Variants in STK26 observed in about 807,000 individuals in gnomAD.
STK26 encodes the protein serine/threonine-protein kinase 26.
Under a neutral mutation model 34.7 loss-of-function variants are expected in STK26, and 14 were observed. The observed-to-expected ratio is 0.40, with a 90% CI of 0.27 to 0.63. STK26 has a LOEUF of 0.63. STK26 is among the 30% of genes least tolerant of loss of function. STK26 has a pLI of 0.38. For synonymous variants in STK26, 100 were observed against 109.8 expected (o/e 0.91, Z 0.56); for missense variants, 226 against 309.1 (o/e 0.73, Z 2.02).
intron 2 of STK26, among the ~76,000 whole-genome samples, chrX:132,035,832 T>TACACACACACACACCC (rs1926024119): frequency 1.3e-5 from 1 of 78,240 alleles, no homozygotes; most frequent in Non-Finnish European, 2.4e-5. Flanking sequence ...TCTGGCTGCA[T>TACACACACACACACCC]ACACACACAC....
At chrX:132,057,820 T>A (rs182643024) in intron 3 of STK26, among the ~76,000 whole-genome samples, 28 of 111,822 alleles carry the variant, frequency 2.5e-4, no homozygotes, top group African/African-American at 8.5e-4. Context: ...GCTGAAGATA[T>A]AAAAGTGAAC....
At chrX:132,062,997 A>C (rs1157222261) in intron 3 of STK26, among the ~76,000 whole-genome samples, 1 of 111,060 alleles carries the variant, frequency 9.0e-6, no homozygotes, top group Non-Finnish European at 1.9e-5. Context: ...AGAAGGTGTA[A>C]ATATTTATGG....
intron 2 of STK26, among the ~76,000 whole-genome samples, chrX:132,044,807 CTA>C (rs1389608918): frequency 2.1e-5 from 1 of 46,542 alleles, no homozygotes; most frequent in East Asian, 5.8e-4. Flanking sequence ...AGAGAGAGAT[CTA>C]TATATATATT....
chrX:132,025,605 G>A (rs184374259), intron 2 of STK26, among the ~76,000 whole-genome samples: 1 of 107,850 alleles, frequency 9.3e-6, no homozygotes, highest in Non-Finnish European at 1.9e-5. Flanking sequence ...CACCTAATTT[G>A]AGTAGGGCAA....
rs765107703 is a variant in STK26 at position 132,050,241 on chromosome X, A to T, written c.43-4390A>T. 4.5e-5 allele frequency among the ~76,000 whole-genome samples: 5 copies of T among 111,584 alleles called. No individual in the cohort carries two copies. In the East Asian group the frequency reaches 1.4e-3, roughly 31 times the overall value. ...AACTAGATCTAAAATTTTATCCTTC[A>T]TCAATGTTGGCTGTTATCCTCAAAA... On this transcript the variant is annotated intron_variant, in intron 2 of 11. Transcript: ENST00000394334.
chrX:132,072,973 A>G lies in STK26; in HGVS notation c.1106A>G (p.Glu369Gly). 8.3e-7 allele frequency: 1 copy of G among 1,210,378 alleles called. No homozygotes were observed. Among genetic ancestry groups the G allele is most frequent in the Non-Finnish European group, 1.1e-6 (1 of 894,831 alleles). The change falls in exon 11 of 12, where the codon GAG becomes GGG. Residue 369 changes from glutamate (E) to glycine (G), a missense_variant. By Grantham distance (98) the Glu-to-Gly change is moderately conservative. This residue lies in a region of STK26 where 126 missense variants were observed against 132.4 expected (regional missense o/e 0.95). Coordinates refer to ENST00000394334, the MANE Select transcript of STK26 (RefSeq NM_016542.4). The part of the protein sequence containing the change: ...PAFAELKQQD[E>G]NNASRNQAIE... ...CTTTCTCAGCTTAAACAGCAGGACG[A>G]GAATAACGCTAGCAGGAATCAGGCG...
At chrX:132,047,680 T>C (rs1282456457) in intron 2 of STK26, among the ~76,000 whole-genome samples, 1 of 111,814 alleles carries the variant, frequency 8.9e-6, no homozygotes, top group African/African-American at 3.3e-5. Flanking sequence ...TGCCAGAAAG[T>C]CAAGATTACT....
Position 132,054,701 on chromosome X carries a change from T to C in STK26, c.113T>C (p.Val38Ala). The C allele has an allele frequency of 8.3e-7, 1 of 1,211,401 alleles. No individual in the cohort carries two copies. Among genetic ancestry groups the C allele is most frequent in the Non-Finnish European group, 1.1e-6 (1 of 895,350 alleles). The stretch of plus-strand genomic sequence containing the variant: ...ATTGGGAAAGGCTCATTTGGGGAAG[T>C]TTTCAAAGGAATTGATAACCGTACC... ...ERIGKGSFGEVFKGIDNRTQQ... is the reference protein window; with the variant it reads ...ERIGKGSFGEAFKGIDNRTQQ... The change falls in exon 3 of 12, where the codon GTT (valine) becomes GCT (alanine). Residue 38 changes from valine to alanine, a missense_variant. By Grantham distance (64) the Val-to-Ala change is moderately conservative. Transcript: ENST00000394334.
chrX:132,038,060 C>T (rs745552721), intron 2 of STK26, among the ~76,000 whole-genome samples: 1 of 109,880 alleles, frequency 9.1e-6, no homozygotes, highest in African/African-American at 3.3e-5. Flanking sequence ...TTGGAGGCTG[C>T]GATGTAAACC....
At chrX:132,040,367 G>T (rs1926219088) in intron 2 of STK26, among the ~76,000 whole-genome samples, 1 of 112,326 alleles carries the variant, frequency 8.9e-6, no homozygotes, top group East Asian at 2.8e-4. Context: ...TTGCCTATTG[G>T]TTCCATTATT....
In STK26 at chrX:132,069,586, C is replaced by A; in HGVS notation, c.706C>A (p.Pro236Thr). The change falls in exon 7 of 12, where the codon CCT becomes ACT. Residue 236 changes from proline (P) to threonine (T), a missense_variant. Coordinates refer to ENST00000394334, the MANE Select transcript of STK26 (RefSeq NM_016542.4). The stretch of plus-strand genomic sequence containing the variant: ...TCTGTTTCTTATTCCCAAAAACAAT[C>A]CTCCAACTCTTGTTGGAGACTTTAC... ...RVLFLIPKNN[P>T]PTLVGDFTKS... is the part of the protein sequence containing the mutation. 8.5e-7 allele frequency: 1 copy of A among 1,172,448 alleles called. No individual in the cohort carries two copies. Among genetic ancestry groups the A allele is most frequent in the Admixed American group, 2.4e-5 (1 of 41,689 alleles).
Position 132,034,939 on chromosome X carries a change from G to A in STK26, c.42+11280G>A, listed in dbSNP as rs190911241. Among the ~76,000 whole-genome samples the A allele has an allele frequency of 3.6e-5, 4 of 111,017 alleles. No individual in the cohort carries two copies. In the East Asian group the frequency reaches 1.1e-3, roughly 31 times the overall value. On this transcript the variant is annotated intron_variant, in intron 2 of 11. Transcript: ENST00000394334. ...GAGTTCTCAGCTGCTCCGCCAATTT[G>A]GGGAGCACTTTGAGCACCACTCAAG...
chrX:132,047,781 A>G (rs1926549531), intron 2 of STK26, among the ~76,000 whole-genome samples: 1 of 112,234 alleles, frequency 8.9e-6, no homozygotes, highest in Middle Eastern at 4.2e-3. Flanking sequence ...TGGTTCAACA[A>G]TTATTAAAAA....
intron 2 of STK26, among the ~76,000 whole-genome samples, chrX:132,030,833 C>G (rs751428657): frequency 8.9e-6 from 1 of 111,748 alleles, no homozygotes; most frequent in Non-Finnish European, 1.9e-5. Flanking sequence ...GAATGTAACT[C>G]ATTTTAAAAA....
At chrX:132,025,647 CTTTTT>C (rs57313614) in intron 2 of STK26, among the ~76,000 whole-genome samples, 1 of 81,711 alleles carries the variant, frequency 1.2e-5, no homozygotes, top group African/African-American at 4.5e-5. Context: ...AGAGAGGAAT[CTTTTT>C]TTTTTTTTTT....
chrX:132,040,704 A>C (rs778175614), intron 2 of STK26, among the ~76,000 whole-genome samples: 1 of 112,033 alleles, frequency 8.9e-6, no homozygotes, highest in African/African-American at 3.2e-5. Context: ...GTTAAGTGTC[A>C]GATATAATCA....
chrX:132,067,927 A>G (rs1398506425), intron 4 of STK26, among the ~76,000 whole-genome samples: 4 of 110,993 alleles, frequency 3.6e-5, no homozygotes, highest in Non-Finnish European at 7.6e-5. Context: ...TCTTTGATGT[A>G]AATATTCAGG....
chrX:132,074,408 T>C lies in STK26; in HGVS notation c.*249T>C, dbSNP rs1927529778. ...TATTCTAGTAAATGTTGAGACACCG[T>C]TTTGCTTTTAAGTATCCCTATTTCT... On this transcript the variant is annotated 3_prime_UTR_variant, in exon 12 of 12. Coordinates refer to ENST00000394334, the MANE Select transcript of STK26 (RefSeq NM_016542.4). The C allele has an allele frequency of 3.4e-6, 1 of 291,059 alleles. No individual in the cohort carries two copies. The highest frequency in any genetic ancestry group is 6.1e-6 in the Non-Finnish European group (1 of 164,485). 24.0% of individuals were successfully genotyped at this position (291,059 alleles called of 1,213,427 possible).
At position 132,023,676 on chromosome X, in the gene STK26, C is replaced by G; in HGVS notation, c.42+17C>G. On this transcript the variant is annotated intron_variant, in intron 2 of 11. Coordinates refer to ENST00000394334, the MANE Select transcript of STK26 (RefSeq NM_016542.4). ...GGGATGCAGGTGAGGAAGCGCAGGC[C>G]GCCCCCGCCGCCCACGTGACTGCTT... 8.5e-7 allele frequency: 1 copy of G among 1,173,296 alleles called. No individual in the cohort carries two copies. The highest frequency in any genetic ancestry group is 1.1e-6 in the Non-Finnish European group (1 of 876,668).
Sources: gnomAD v4.1 joint callset for allele counts (sites outside exome capture counted in the v4.1 genomes callset) on GRCh38, gnomAD v4.1.1 for gene constraint, gnomAD v4.1.1 regional missense constraint, MANE v1.5 for transcripts, NCBI Gene and HGNC (gene_info 2026-07-23, HGNC 2026-07-21) for gene names.